CNIH3: variants seen among roughly 807,000 people sequenced by gnomAD.
CNIH3 encodes the protein cornichon family AMPA receptor auxiliary protein 3.
Under a neutral mutation model 24.1 loss-of-function variants are expected in CNIH3, and 14 were observed. The ratio of observed to expected loss-of-function variants is 0.58; its 90% CI spans 0.38 to 0.91. The LOEUF (loss-of-function observed/expected upper bound fraction) is 0.91. Among genes scored for constraint, CNIH3 ranks in the 40% least tolerant of loss-of-function variants. CNIH3 has a pLI of 0.00. For synonymous variants in CNIH3, 68 were observed against 73.8 expected (o/e 0.92, Z 0.40); for missense variants, 178 against 196.8 (o/e 0.90, Z 0.57).
At chr1:224,573,956 G>T (rs934663444) in intron 4 of CNIH3, among the ~76,000 whole-genome samples, 7 of 151,976 alleles carry the variant, frequency 4.6e-5, no homozygotes, top group Admixed American at 3.9e-4. Flanking sequence ...TAGAGAAAGG[G>T]TCTCACAGTG....
intron 1 of CNIH3, among the ~76,000 whole-genome samples, chr1:224,454,745 A>G (rs1675574773): frequency 6.6e-6 from 1 of 152,194 alleles, no homozygotes; most frequent in South Asian, 2.1e-4. Flanking sequence ...ACTGGTGAAG[A>G]GACCGGAGAT....
chr1:224,638,342 C>T (rs1000289673), intron 1 of CNIH3, among the ~76,000 whole-genome samples: 1 of 152,266 alleles, frequency 6.6e-6, no homozygotes, highest in Non-Finnish European at 1.5e-5. Context: ...GGCCCAGCGC[C>T]TGCCTCCAGC....
At chr1:224,547,330 G>A (rs897073023) in intron 3 of CNIH3, among the ~76,000 whole-genome samples, 3 of 151,458 alleles carry the variant, frequency 2.0e-5, no homozygotes, top group South Asian at 2.1e-4. Context: ...GACAGTATTC[G>A]TAATATCTGA....
At chr1:224,728,807 G>A (rs561542559) in intron 3 of CNIH3, among the ~76,000 whole-genome samples, 1 of 152,308 alleles carries the variant, frequency 6.6e-6, no homozygotes, top group East Asian at 1.9e-4. Context: ...CAGCCATGTT[G>A]TAAACATATG....
chr1:224,715,110 CT>C (rs776045502), intron 3 of CNIH3, among the ~76,000 whole-genome samples: 1 of 152,154 alleles, frequency 6.6e-6, no homozygotes, highest in Admixed American at 6.5e-5. Context: ...CACGGCCACA[CT>C]TTTCTAAATG....
At chr1:224,518,436 T>G (rs1678483833) in intron 1 of CNIH3, among the ~76,000 whole-genome samples, 1 of 151,984 alleles carries the variant, frequency 6.6e-6, no homozygotes, top group African/African-American at 2.4e-5. Flanking sequence ...TTCCAAGGTA[T>G]CCTCCTGCTT....
At chr1:224,663,900 G>A (rs901301114) in intron 1 of CNIH3, among the ~76,000 whole-genome samples, 7 of 152,336 alleles carry the variant, frequency 4.6e-5, no homozygotes, top group African/African-American at 1.7e-4. Flanking sequence ...CCTGGCCCAT[G>A]GCTGCAGAGC....
chr1:224,527,175 T>C (rs1470606918), intron 2 of CNIH3, among the ~76,000 whole-genome samples: 2 of 152,112 alleles, frequency 1.3e-5, no homozygotes, highest in African/African-American at 4.8e-5. Context: ...GGACAGGTGC[T>C]TGGGGGGACA....
chr1:224,672,479 G>T (rs1431083575), intron 1 of CNIH3, among the ~76,000 whole-genome samples: 2 of 152,210 alleles, frequency 1.3e-5, no homozygotes, highest in African/African-American at 4.8e-5. Flanking sequence ...AAGGCTAGAA[G>T]TCTGAAGACA....
intron 1 of CNIH3, among the ~76,000 whole-genome samples, chr1:224,629,011 T>C (rs1683684967): frequency 6.6e-6 from 1 of 151,522 alleles, no homozygotes; most frequent in African/African-American, 2.4e-5. Context: ...CTGTTTTTTT[T>C]CTTTTCACCC....
chr1:224,547,661 C>G (rs1351245611), intron 3 of CNIH3, among the ~76,000 whole-genome samples: 1 of 151,576 alleles, frequency 6.6e-6, no homozygotes. Flanking sequence ...CGAGGTATTA[C>G]TCCTAATATT....
chr1:224,459,832 C>T (rs1558079476), intron 1 of CNIH3, among the ~76,000 whole-genome samples: 1 of 151,750 alleles, frequency 6.6e-6, no homozygotes, highest in Non-Finnish European at 1.5e-5. Context: ...TGGTTCAGTT[C>T]CCCTGCACAC....
At chr1:224,501,760 T>C (rs962785688) in intron 1 of CNIH3, among the ~76,000 whole-genome samples, 2 of 152,094 alleles carry the variant, frequency 1.3e-5, no homozygotes, top group Non-Finnish European at 2.9e-5. Context: ...TTTTGTATTT[T>C]AGTAGAGACG....
rs1440605699 is a variant in CNIH3 at position 224,570,080 on chromosome 1, G to A, written n.516+3816G>A. 4.6e-5 allele frequency among the ~76,000 whole-genome samples: 7 copies of A among 152,198 alleles called. No homozygotes were observed. In the South Asian group the frequency reaches 6.2e-4, roughly 14 times the overall value. Reference sequence around the variant, plus strand: ...ATTACAGGCTTGAGCCACTGCACCCGGCAAAGCATATTTTCATATGGATAT... The same window carrying A: ...ATTACAGGCTTGAGCCACTGCACCCAGCAAAGCATATTTTCATATGGATAT... On this transcript the variant is annotated intron_variant and non_coding_transcript_variant, in intron 4 of 5. Transcript: ENST00000471578.
At chr1:224,597,418 C>A (rs2125037210) in intron 3 of CNIH3, among the ~76,000 whole-genome samples, 1 of 152,294 alleles carries the variant, frequency 6.6e-6, no homozygotes, top group Non-Finnish European at 1.5e-5. Context: ...CAAGAAGAAT[C>A]TTAACAGACA....
downstream of CNIH3, among the ~76,000 whole-genome samples, chr1:224,540,614 T>A (rs1679475977): frequency 6.6e-6 from 1 of 152,182 alleles, no homozygotes; most frequent in African/African-American, 2.4e-5. Flanking sequence ...CATTAATAAA[T>A]ATATTTAGAA....
chr1:224,615,530 A>T (rs1219274286), upstream of CNIH3: 1 of 151,908 alleles, frequency 6.6e-6, no homozygotes, highest in African/African-American at 2.4e-5. Flanking sequence ...AAATGGCTTG[A>T]CTCTACTCTT....
intron 3 of CNIH3, among the ~76,000 whole-genome samples, chr1:224,548,946 G>A (rs976249844): frequency 5.9e-5 from 9 of 151,466 alleles, no homozygotes; most frequent in East Asian, 5.8e-4. Context: ...GACATTGTTC[G>A]TAGTATTCAA....
At chr1:224,490,976 T>C (rs1677215231) in intron 1 of CNIH3, among the ~76,000 whole-genome samples, 1 of 152,228 alleles carries the variant, frequency 6.6e-6, no homozygotes, top group African/African-American at 2.4e-5. Flanking sequence ...GTTTAAACAC[T>C]TAGCAGTCTA....
Sources: allele counts gnomAD v4.1 joint callset (sites outside exome capture counted in the v4.1 genomes callset), GRCh38; gene constraint gnomAD v4.1.1; transcripts MANE v1.5; gene names NCBI Gene and HGNC (gene_info 2026-07-23, HGNC 2026-07-21).